The following SLCO5A1 variants were observed in gnomAD, a reference collection of about 807,000 sequenced individuals.
SLCO5A1 encodes the protein solute carrier organic anion transporter family member 5A1.
Under a neutral mutation model 65.1 loss-of-function variants are expected in SLCO5A1, and 39 were observed. The observed-to-expected ratio is 0.60, with a 90% CI of 0.46 to 0.78. The LOEUF is 0.78. Ranked by LOEUF, SLCO5A1 falls within the 30% of genes least tolerant of loss-of-function variation. The probability of loss-of-function intolerance (pLI) is 0.00; values close to 1 mark genes in which losing one functional copy is unlikely to be tolerated. For missense variants in SLCO5A1, 1,029 were observed against 1,069.4 expected, an observed-to-expected ratio of 0.96 and a Z score of 0.53; for synonymous variants, 438 against 415.7, an observed-to-expected ratio of 1.05 and a Z score of -0.65.
chr8:69,824,533 T>C (rs1012042593), intron 2 of SLCO5A1, among the ~76,000 whole-genome samples: 25 of 152,020 alleles, frequency 1.6e-4, no homozygotes, highest in Admixed American at 1.1e-3. Flanking sequence ...CTAGAAGAAA[T>C]GGATAAATTC....
At chr8:69,825,509 T>A (rs969183650) in intron 2 of SLCO5A1, among the ~76,000 whole-genome samples, 2 of 152,184 alleles carry the variant, frequency 1.3e-5, no homozygotes, top group African/African-American at 4.8e-5. Flanking sequence ...AGCCAAATCA[T>A]GAGTGAACTC....
rs1563656345 is a variant in SLCO5A1 at position 69,679,128 on chromosome 8, T to G, written c.2024+250A>C. On this transcript the variant is annotated intron_variant, in intron 8 of 9. Transcript: ENST00000260126. Reference sequence around the variant, plus strand: ...GGAATCAAAAACATCAAAAGACGTTTCATTATACAGTAAGAATATAACCCA... The same window carrying G: ...GGAATCAAAAACATCAAAAGACGTTGCATTATACAGTAAGAATATAACCCA... 2.0e-5 allele frequency among the ~76,000 whole-genome samples: 3 copies of G among 152,352 alleles called. No individual in the cohort carries two copies. The East Asian group carries it at 5.8e-4, about 29-fold the overall frequency.
In SLCO5A1 at chr8:69,730,230, C is replaced by A. The variant is rs1457179968; in HGVS notation, c.1423+7810G>T. Reference sequence around the variant, plus strand: ...GTGTACTACATTAGGCTGCCCACAGCAAAACAAAACAGATAATATTGATTC... The same window carrying A: ...GTGTACTACATTAGGCTGCCCACAGAAAAACAAAACAGATAATATTGATTC... On this transcript the variant is annotated intron_variant, in intron 5 of 9. Transcript: ENST00000260126. 2.0e-5 allele frequency among the ~76,000 whole-genome samples: 3 copies of A among 152,120 alleles called. No homozygotes were observed. The East Asian group carries it at 5.8e-4, about 29-fold the overall frequency.
intron 2 of SLCO5A1, among the ~76,000 whole-genome samples, chr8:69,792,265 G>C (rs1819305107): frequency 6.6e-6 from 1 of 152,010 alleles, no homozygotes; most frequent in South Asian, 2.1e-4. Flanking sequence ...AAAAAAAAAT[G>C]AACATTTCAG....
At chr8:69,773,028 G>A in intron 2 of SLCO5A1, 1 of 903,840 alleles carries the variant, frequency 1.1e-6, no homozygotes, top group African/African-American at 1.8e-5. Context: ...GACAGAGAAG[G>A]CTTCATGGAT....
intron 2 of SLCO5A1, among the ~76,000 whole-genome samples, chr8:69,824,088 G>C (rs1344651521): frequency 6.6e-6 from 1 of 151,966 alleles, no homozygotes; most frequent in Non-Finnish European, 1.5e-5. Flanking sequence ...CGAGAACAAA[G>C]ACACAACATA....
chr8:69,816,957 A>T (rs895697206), intron 2 of SLCO5A1, among the ~76,000 whole-genome samples: 12 of 152,238 alleles, frequency 7.9e-5, no homozygotes, highest in African/African-American at 2.9e-4. Flanking sequence ...AGATGGATTT[A>T]TAGTCCATAT....
chr8:69,751,159 C>T (rs1817280170), intron 4 of SLCO5A1, among the ~76,000 whole-genome samples: 1 of 152,168 alleles, frequency 6.6e-6, no homozygotes. Flanking sequence ...TAAAATCATT[C>T]TTATGATTAA....
chr8:69,768,978 C>T (rs1818195718), intron 2 of SLCO5A1, among the ~76,000 whole-genome samples: 1 of 152,192 alleles, frequency 6.6e-6, no homozygotes, highest in African/African-American at 2.4e-5. Flanking sequence ...TGCTTCCACC[C>T]CGTTCACTCA....
At chr8:69,743,531 AC>A (rs1309937631) in intron 4 of SLCO5A1, among the ~76,000 whole-genome samples, 1 of 152,156 alleles carries the variant, frequency 6.6e-6, no homozygotes, top group Non-Finnish European at 1.5e-5. Context: ...TTAAACAAGC[AC>A]CAACTTCGGT....
intron 2 of SLCO5A1, among the ~76,000 whole-genome samples, chr8:69,775,789 A>G: frequency 6.6e-6 from 1 of 152,094 alleles, no homozygotes; most frequent in East Asian, 1.9e-4. Context: ...CACGGCGGGA[A>G]GATCACTTGA....
chr8:69,716,699 T>A (rs1308230811), intron 5 of SLCO5A1, among the ~76,000 whole-genome samples: 5 of 152,098 alleles, frequency 3.3e-5, no homozygotes, highest in African/African-American at 1.2e-4. Flanking sequence ...GTTGTAAGAG[T>A]TCTTTATGTG....
chr8:69,723,414 C>T (rs1358969396), intron 5 of SLCO5A1, among the ~76,000 whole-genome samples: 3 of 151,630 alleles, frequency 2.0e-5, no homozygotes, highest in Admixed American at 1.3e-4. Flanking sequence ...ACCATGCCCA[C>T]CTAATTTTTT....
intron 4 of SLCO5A1, among the ~76,000 whole-genome samples, chr8:69,751,686 A>C (rs566294036): frequency 6.6e-6 from 1 of 152,098 alleles, no homozygotes; most frequent in Non-Finnish European, 1.5e-5. Flanking sequence ...AGCTGGGATT[A>C]CAGGTGCTCA....
chr8:69,684,946 T>G (rs1813942764), intron 6 of SLCO5A1, among the ~76,000 whole-genome samples: 1 of 152,128 alleles, frequency 6.6e-6, no homozygotes, highest in Non-Finnish European at 1.5e-5. Flanking sequence ...TAGACCAACT[T>G]TCACACTGTT....
intron 2 of SLCO5A1, chr8:69,772,891 T>C (rs1188805652): frequency 8.1e-6 from 8 of 983,326 alleles, no homozygotes; most frequent in Non-Finnish European, 9.7e-6. Flanking sequence ...TGATGCATTT[T>C]CTTCCAGGAA....
At position 69,832,149 on chromosome 8, in the gene SLCO5A1, G is replaced by A; in HGVS notation, c.525C>T (p.Asp175=). The change falls in exon 2 of 10, where the codon GAC becomes GAT. Residue 175 remains aspartate, a synonymous_variant. Coordinates refer to ENST00000260126, the MANE Select transcript of SLCO5A1 (RefSeq NM_030958.3). This position sits in a 1 kb window ranked among gnomAD's most constrained non-coding sequence, Gnocchi z 4.5. ...ACACCACCACCACCAGGTTCCCGAT[G>A]TCAAAGCAGCTGACCAGCAGCCCCG... ...SESGLLVSCF[D]IGNLVVVVFV... is the part of the protein sequence containing the mutation. 6.2e-7 allele frequency: 1 copy of A among 1,614,228 alleles called. No homozygotes were observed. The highest frequency in any genetic ancestry group is 8.5e-7 in the Non-Finnish European group (1 of 1,180,046).
At chr8:69,714,212 C>A (rs1413293529) in intron 5 of SLCO5A1, among the ~76,000 whole-genome samples, 2 of 146,216 alleles carry the variant, frequency 1.4e-5, no homozygotes, top group East Asian at 1.9e-4. Context: ...ATTTAAGGTA[C>A]CTTTTTCTTT....
intron 5 of SLCO5A1, among the ~76,000 whole-genome samples, chr8:69,729,471 A>G (rs1816239677): frequency 7.1e-6 from 1 of 140,208 alleles, no homozygotes; most frequent in Non-Finnish European, 1.6e-5. Context: ...AAAAAAAAAA[A>G]AGATAACTGC....
Sources: gnomAD v4.1 joint callset for allele counts (sites outside exome capture counted in the v4.1 genomes callset) on GRCh38, gnomAD v4.1.1 for gene constraint, Gnocchi (gnomAD v3.1) non-coding constraint, MANE v1.5 for transcripts, NCBI Gene and HGNC (gene_info 2026-07-23, HGNC 2026-07-21) for gene names.